MROH9: variants seen among roughly 807,000 people sequenced by gnomAD.
MROH9 encodes the protein maestro heat like repeat family member 9.
Under a neutral mutation model 98.2 loss-of-function variants are expected in MROH9, and 92 were observed. The ratio of observed to expected loss-of-function variants is 0.94; its 90% CI spans 0.79 to 1.11. MROH9 has a LOEUF of 1.11. Ranked by LOEUF, MROH9 falls within the 50% of genes most tolerant of loss-of-function variation. The probability of loss-of-function intolerance (pLI) is 0.00; values close to 1 mark genes in which losing one functional copy is unlikely to be tolerated. For synonymous variants in MROH9, 397 were observed against 368.9 expected (o/e 1.08, Z -0.87); for missense variants, 1,057 against 1,014.8 (o/e 1.04, Z -0.57).
chr1:170,973,909 T>C (rs889383144), intron 8 of MROH9, among the ~76,000 whole-genome samples: 2 of 152,136 alleles, frequency 1.3e-5, no homozygotes, highest in Non-Finnish European at 2.9e-5. Flanking sequence ...AAAAGAATTA[T>C]TATAACTACA....
At chr1:170,945,160 C>A (rs556626860) in intron 1 of MROH9, among the ~76,000 whole-genome samples, 1 of 151,880 alleles carries the variant, frequency 6.6e-6, no homozygotes, top group African/African-American at 2.4e-5. Flanking sequence ...CCGCAGCCAG[C>A]AAAGTAATAG....
intron 20 of MROH9, among the ~76,000 whole-genome samples, chr1:171,033,242 C>G (rs1557906692): frequency 1.3e-5 from 2 of 152,250 alleles, no homozygotes; most frequent in African/African-American, 4.8e-5. Context: ...TGCCCCTCCC[C>G]CAAGGAGCTC....
In MROH9 at chr1:170,953,311, C is replaced by A. The variant is rs186519447; in HGVS notation, c.73-5150C>A. 4.6e-3 allele frequency among the ~76,000 whole-genome samples: 706 copies of A among 151,864 alleles called. 3 individuals are homozygous for A. Among genetic ancestry groups the A allele is most frequent in the Non-Finnish European group, 6.6e-3 (449 of 67,932 alleles). On this transcript the variant is annotated intron_variant, in intron 3 of 21. Transcript: ENST00000367759. ...ATATGGTTTGTCTTATTTTTCTTAA[C>A]GGTATCTTTTGAAGAGCAAGAGGTT... is the stretch of plus-strand genomic sequence containing the variant.
chr1:170,947,526 G>C lies in MROH9; in HGVS notation c.26-1G>C. ...TAACGAATCTCCTTCTTTCTGGCTA[G>C]AGAGTAGTCTCCAGATTCTGCAAGA... On this transcript the variant is annotated splice_acceptor_variant, in intron 2 of 21. Coordinates refer to ENST00000367759, the MANE Select transcript of MROH9 (RefSeq NM_001163629.2). LOFTEE classifies it high-confidence loss of function. The C allele has an allele frequency of 6.8e-6, 11 of 1,610,520 alleles. No homozygotes were observed. Among genetic ancestry groups the C allele is most frequent in the East Asian group, 2.2e-5 (1 of 44,800 alleles).
At chr1:171,041,347 A>ATGTG (rs377650131) in intron 20 of MROH9, among the ~76,000 whole-genome samples, 18,817 of 80,372 alleles carry the variant, frequency 0.23, 2,765 homozygotes, top group Non-Finnish European at 0.3. Context: ...GTATTCCATG[A>ATGTG]TGTGTGTGTG....
At chr1:170,976,605 G>A (rs1293446917) in intron 8 of MROH9, among the ~76,000 whole-genome samples, 2 of 152,016 alleles carry the variant, frequency 1.3e-5, no homozygotes, top group Admixed American at 1.3e-4. Flanking sequence ...AAATTAGCTG[G>A]GCATGGTGGT....
rs143830480 is a variant in MROH9, at chr1:171,023,680, G to A, written c.1909-715G>A. ...ACAGAATACAATACGTTTTGATATAGGTATACATTGTCAAATGATTAAATC... is the reference window on the plus strand; with the variant it reads ...ACAGAATACAATACGTTTTGATATAAGTATACATTGTCAAATGATTAAATC... On this transcript the variant is annotated intron_variant, in intron 17 of 21. Transcript: ENST00000367759. 4.1e-3 allele frequency among the ~76,000 whole-genome samples: 622 copies of A among 151,860 alleles called. 8 individuals are homozygous for A. Among genetic ancestry groups the A allele is most frequent in the African/African-American group, 0.014 (583 of 41,406 alleles).
chr1:170,997,489 G>T (rs1651624824), intron 14 of MROH9, among the ~76,000 whole-genome samples: 1 of 152,148 alleles, frequency 6.6e-6, no homozygotes, highest in Admixed American at 6.5e-5. Context: ...TACTGAATCA[G>T]AATCTGCATT....
At chr1:171,017,333 C>T (rs1652357741) in intron 17 of MROH9, among the ~76,000 whole-genome samples, 1 of 152,236 alleles carries the variant, frequency 6.6e-6, no homozygotes, top group Non-Finnish European at 1.5e-5. Flanking sequence ...GCCTACCTGA[C>T]AGCCACACGG....
At chr1:171,001,384 G>C (rs1651776473) in intron 15 of MROH9, among the ~76,000 whole-genome samples, 1 of 152,116 alleles carries the variant, frequency 6.6e-6, no homozygotes, top group African/African-American at 2.4e-5. Context: ...GGCATTTAGG[G>C]CTATGAACTT....
chr1:171,062,280 T>TA (rs1278744599), intron 21 of MROH9, 86 bp downstream of exon 21: 5 of 948,366 alleles, frequency 5.3e-6, no homozygotes, highest in East Asian at 2.7e-5. Context: ...TGAGTTCTGT[T>TA]AGAGTGCCAG....
At chr1:170,960,270 A>T (rs908380506) in intron 5 of MROH9, among the ~76,000 whole-genome samples, 7 of 152,284 alleles carry the variant, frequency 4.6e-5, no homozygotes, top group South Asian at 4.1e-4. Flanking sequence ...ATTATTTTCC[A>T]ACTGGACTTC....
At chr1:170,973,674 G>A (rs1350407414) in intron 8 of MROH9, among the ~76,000 whole-genome samples, 4 of 152,128 alleles carry the variant, frequency 2.6e-5, no homozygotes, top group African/African-American at 7.2e-5. Flanking sequence ...TCAAGAGTTC[G>A]TGATTAGCCT....
intron 6 of MROH9, 140 bp from the exon 7 acceptor site, chr1:170,965,011 T>A: frequency 1.7e-6 from 1 of 573,672 alleles, no homozygotes; most frequent in Non-Finnish European, 3.2e-6. Flanking sequence ...TTGTCTGTGT[T>A]TTTGAGATAA....
At chr1:170,967,510 T>G (rs1650279389) in intron 7 of MROH9, among the ~76,000 whole-genome samples, 1 of 152,166 alleles carries the variant, frequency 6.6e-6, no homozygotes, top group African/African-American at 2.4e-5. Context: ...TTGTATATCA[T>G]CAACGAATAT....
Position 170,996,614 on chromosome 1 carries a change from GT to G in MROH9, c.1447del (p.Tyr483ThrfsTer24). The G allele has an allele frequency of 6.2e-7, 1 of 1,613,516 alleles. No individual in the cohort carries two copies. The highest frequency in any genetic ancestry group is 8.5e-7 in the Non-Finnish European group (1 of 1,179,642). Reference protein sequence around the residue: ...NFWDQLSEDLCYYHGVCFIAK... With the variant: ...NFWDQLSEDLXYYHGVCFIAK... ...TGGGACCAGTTATCTGAAGATCTGT[GT>G]TACTATCATGGAGTCTGCTTTATTG... On this transcript the variant is annotated frameshift_variant, in exon 14 of 22. Coordinates refer to ENST00000367759, the MANE Select transcript of MROH9 (RefSeq NM_001163629.2). LOFTEE classifies it high-confidence loss of function.
At chr1:171,046,080 G>C (rs991663101) in intron 20 of MROH9, among the ~76,000 whole-genome samples, 66 of 152,070 alleles carry the variant, frequency 4.3e-4, no homozygotes, top group Admixed American at 2.9e-3. Context: ...TTTTTGTCTT[G>C]AAATCTATCT....
At chr1:171,046,105 A>G (rs1653465391) in intron 20 of MROH9, among the ~76,000 whole-genome samples, 1 of 152,170 alleles carries the variant, frequency 6.6e-6, no homozygotes, top group East Asian at 1.9e-4. Flanking sequence ...TGATATAAGT[A>G]TAGTGACTCT....
At chr1:170,957,169 A>G (rs1020278094) in intron 3 of MROH9, among the ~76,000 whole-genome samples, 1 of 152,042 alleles carries the variant, frequency 6.6e-6, no homozygotes, top group African/African-American at 2.4e-5. Context: ...GAAGCTTGTT[A>G]GTTTGATGTA....
Sources: gnomAD v4.1 joint callset for allele counts (sites outside exome capture counted in the v4.1 genomes callset) on GRCh38, gnomAD v4.1.1 for gene constraint, MANE v1.5 for transcripts, NCBI Gene and HGNC (gene_info 2026-07-23, HGNC 2026-07-21) for gene names.